The following TAFA1 variants were observed in gnomAD, a reference collection of about 807,000 sequenced individuals.
The protein encoded by TAFA1 is TAFA chemokine like family member 1.
TAFA1 carries 4 observed loss-of-function variants against 18.5 expected under a neutral mutation model. That is an observed-to-expected ratio of 0.22 (90% CI 0.11 to 0.49). The LOEUF (loss-of-function observed/expected upper bound fraction) is 0.49. Among genes scored for constraint, TAFA1 ranks in the 20% least tolerant of loss-of-function variants. The pLI, the probability that TAFA1 is intolerant of heterozygous loss-of-function variation, is 0.98. For missense variants in TAFA1, 147 were observed against 169.0 expected, an observed-to-expected ratio of 0.87 and a Z score of 0.72; for synonymous variants, 56 against 55.2, an observed-to-expected ratio of 1.01 and a Z score of -0.06.
At chr3:68,460,921 C>A (rs763232006) in intron 3 of TAFA1, among the ~76,000 whole-genome samples, 2 of 152,170 alleles carry the variant, frequency 1.3e-5, no homozygotes, top group Non-Finnish European at 2.9e-5. Context: ...AAAATGGAAT[C>A]TTCCTCCAGA....
intron 3 of TAFA1, among the ~76,000 whole-genome samples, chr3:68,494,067 T>C (rs779189598): frequency 6.6e-6 from 1 of 152,202 alleles, no homozygotes; most frequent in Non-Finnish European, 1.5e-5. Flanking sequence ...CAGGGTTGTT[T>C]GTAAGGGTTA....
intron 2 of TAFA1, among the ~76,000 whole-genome samples, chr3:68,274,612 G>A (rs923505181): frequency 4.6e-5 from 7 of 152,154 alleles, no homozygotes; most frequent in Non-Finnish European, 8.8e-5. Flanking sequence ...TTTCCACTGG[G>A]AGGACTTTGG....
At chr3:68,031,953 T>C (rs567927020) in intron 2 of TAFA1, among the ~76,000 whole-genome samples, 41 of 152,316 alleles carry the variant, frequency 2.7e-4, no homozygotes. Flanking sequence ...TGAATCTTCT[T>C]ATAGTTTTTC....
upstream of TAFA1, among the ~76,000 whole-genome samples, chr3:68,002,603 GA>G (rs2106761612): frequency 6.6e-6 from 1 of 152,278 alleles, no homozygotes; most frequent in East Asian, 1.9e-4. Context: ...TGTACCTCTA[GA>G]AAGAATGAAT....
intron 2 of TAFA1, among the ~76,000 whole-genome samples, chr3:68,363,252 C>T (rs1048704895): frequency 6.6e-6 from 1 of 151,996 alleles, no homozygotes; most frequent in Non-Finnish European, 1.5e-5. Flanking sequence ...TCGAGCTGGG[C>T]TCAGTGAATG....
intron 2 of TAFA1, among the ~76,000 whole-genome samples, chr3:68,414,033 G>A (rs865878920): frequency 2.6e-5 from 4 of 152,056 alleles, no homozygotes; most frequent in Non-Finnish European, 4.4e-5. Flanking sequence ...GGCTGGGCAC[G>A]GTGGCTCACA....
intron 2 of TAFA1, among the ~76,000 whole-genome samples, chr3:68,311,619 C>T (rs1040591813): frequency 2.0e-5 from 3 of 152,382 alleles, no homozygotes; most frequent in Non-Finnish European, 2.9e-5. Flanking sequence ...CCATGTCTCA[C>T]ATTCAGGTCA....
intron 2 of TAFA1, among the ~76,000 whole-genome samples, chr3:68,350,081 T>C (rs1411639940): frequency 6.6e-6 from 1 of 152,146 alleles, no homozygotes; most frequent in East Asian, 1.9e-4. Flanking sequence ...TGTATAGTTA[T>C]TGCTATAAGT....
intron 3 of TAFA1, among the ~76,000 whole-genome samples, chr3:68,425,554 G>A (rs2071036243): frequency 6.6e-6 from 1 of 151,836 alleles, no homozygotes; most frequent in African/African-American, 2.4e-5. Flanking sequence ...CCCCAACTTG[G>A]CACCTAAGCA....
intron 2 of TAFA1, among the ~76,000 whole-genome samples, chr3:68,120,236 TCTTTCTTTCTTTCTTTCTTTCTTTC>T (rs2065380545): frequency 7.6e-6 from 1 of 131,366 alleles, no homozygotes; most frequent in African/African-American, 3.2e-5. Context: ...TTTCTTTCTT[TCTTTCTTTCTTTCTTTCTTTCTTTC>T]TTTTTTGAGA....
intron 2 of TAFA1, among the ~76,000 whole-genome samples, chr3:68,030,931 A>G (rs1380950697): frequency 1.3e-5 from 2 of 152,204 alleles, no homozygotes; most frequent in Non-Finnish European, 2.9e-5. Flanking sequence ...TAGAGAGACC[A>G]CAAGTCAGCT....
chr3:68,454,451 G>A (rs565221535), intron 3 of TAFA1, among the ~76,000 whole-genome samples: 1 of 152,260 alleles, frequency 6.6e-6, no homozygotes, highest in Non-Finnish European at 1.5e-5. Context: ...GAATTTGGAA[G>A]CCCATATCTA....
intron 2 of TAFA1, among the ~76,000 whole-genome samples, chr3:68,410,334 T>C (rs1323387091): frequency 2.0e-5 from 3 of 152,060 alleles, no homozygotes; most frequent in Non-Finnish European, 4.4e-5. Flanking sequence ...GTCCACTGTT[T>C]TGAAGATTTG....
At chr3:68,145,878 CT>C (rs1291228812) in intron 2 of TAFA1, among the ~76,000 whole-genome samples, 2 of 152,142 alleles carry the variant, frequency 1.3e-5, no homozygotes, top group African/African-American at 2.4e-5. Flanking sequence ...CGTAAAAAGC[CT>C]TCATCTTTCA....
chr3:68,085,528 A>G (rs2064960567), intron 2 of TAFA1, among the ~76,000 whole-genome samples: 1 of 152,216 alleles, frequency 6.6e-6, no homozygotes, highest in South Asian at 2.1e-4. Context: ...AATATCAAAC[A>G]TGACAGAGTT....
At chr3:68,306,338 T>C (rs1437692201) in intron 2 of TAFA1, among the ~76,000 whole-genome samples, 4 of 152,336 alleles carry the variant, frequency 2.6e-5, no homozygotes, top group African/African-American at 9.6e-5. Flanking sequence ...ATAACACGTC[T>C]CTCTTTGGGT....
chr3:68,536,631 A>G (rs915848947), intron 3 of TAFA1, among the ~76,000 whole-genome samples: 4 of 152,144 alleles, frequency 2.6e-5, no homozygotes, highest in African/African-American at 9.7e-5. Flanking sequence ...TGTAGAAATC[A>G]TTTTTCAATT....
chr3:68,266,709 C>G (rs2067553425), intron 2 of TAFA1, among the ~76,000 whole-genome samples: 1 of 152,060 alleles, frequency 6.6e-6, no homozygotes, highest in Non-Finnish European at 1.5e-5. Flanking sequence ...AGACACAGTT[C>G]CCAGATGCTT....
At chr3:68,469,898 T>C (rs2106944634) in intron 3 of TAFA1, among the ~76,000 whole-genome samples, 1 of 152,272 alleles carries the variant, frequency 6.6e-6, no homozygotes, top group Non-Finnish European at 1.5e-5. Flanking sequence ...CACTGAAGGA[T>C]TGAACTTTAA....
Sources: allele counts gnomAD v4.1 joint callset (sites outside exome capture counted in the v4.1 genomes callset), GRCh38; gene constraint gnomAD v4.1.1; transcripts MANE v1.5; gene names NCBI Gene and HGNC (gene_info 2026-07-23, HGNC 2026-07-21).